Variants in RSPRY1 observed in about 807,000 individuals in gnomAD.
RSPRY1 encodes ring finger and SPRY domain containing 1.
A neutral mutation model predicts 73.1 loss-of-function variants in RSPRY1; 23 were observed. That is an observed-to-expected ratio of 0.31 (90% confidence interval 0.23 to 0.45). The LOEUF (loss-of-function observed/expected upper bound fraction) is 0.45, where lower values mean the gene tolerates loss of function less well. Ranked by LOEUF, RSPRY1 falls within the 20% of genes least tolerant of loss-of-function variation. The pLI, the probability that RSPRY1 is intolerant of heterozygous loss-of-function variation, is 1.00. For missense variants in RSPRY1, 448 were observed against 698.7 expected, an observed-to-expected ratio of 0.64 and a Z score of 4.05; for synonymous variants, 226 against 251.4, an observed-to-expected ratio of 0.90 and a Z score of 0.95.
intron 1 of RSPRY1, among the ~76,000 whole-genome samples, chr16:57,192,708 C>CTT (rs373914013): frequency 0.029 from 3,591 of 123,510 alleles, 210 homozygotes; most frequent in East Asian, 0.21. Flanking sequence ...TCCAGAGACT[C>CTT]TTTTTTTTTT....
At chr16:57,207,978 C>A in intron 2 of RSPRY1, 80 bp from the exon 3 acceptor site, 1 of 858,990 alleles carries the variant, frequency 1.2e-6, no homozygotes, top group South Asian at 1.5e-5. Context: ...TTTTTACCTC[C>A]ACACCTCCAG....
Position 57,216,563 on chromosome 16 carries a change from T to G in RSPRY1, c.770-341T>G, listed in dbSNP as rs547463660. On this transcript the variant is annotated intron_variant, in intron 7 of 14. Coordinates refer to ENST00000394420, the MANE Select transcript of RSPRY1 (RefSeq NM_133368.3). ...CAAGACTCAATCTCTACAAAAAATT[T>G]TAAAAAATCAGCCAGGCATGGTGGC... 6 of 322,186 alleles carry G rather than the reference T, an allele frequency of 1.9e-5. 1 individual carries two copies. The South Asian group carries it at 2.5e-4, about 13-fold the overall frequency. The allele number at this position is 322,186 out of a possible 1,614,324, so 20.0% of individuals were successfully genotyped here.
chr16:57,192,708 C>CTTTTT (rs373914013), intron 1 of RSPRY1, among the ~76,000 whole-genome samples: 3 of 123,596 alleles, frequency 2.4e-5, no homozygotes, highest in Non-Finnish European at 3.5e-5. Context: ...TCCAGAGACT[C>CTTTTT]TTTTTTTTTT....
At chr16:57,222,418 A>G (rs1237570946) in intron 10 of RSPRY1, among the ~76,000 whole-genome samples, 2 of 152,090 alleles carry the variant, frequency 1.3e-5, no homozygotes, top group Non-Finnish European at 2.9e-5. Context: ...TTAAAGGCCT[A>G]TTTCAGCAAG....
chr16:57,199,887 TTTTGTTTG>T, intron 1 of RSPRY1, among the ~76,000 whole-genome samples: 1 of 92,740 alleles, frequency 1.1e-5, no homozygotes, highest in South Asian at 3.6e-4. Flanking sequence ...ATTTTGTTTT[TTTTGTTTG>T]TTTTTTTTTT....
rs1288754604 is a variant in RSPRY1, at chr16:57,191,084, A to G, written c.-156+4633A>G. ...AGGCGTAATTTCATAGGTCCTATGTACCTCAAATAGAAGGTTTGAAATACC... is the reference window on the plus strand; with the variant it reads ...AGGCGTAATTTCATAGGTCCTATGTGCCTCAAATAGAAGGTTTGAAATACC... On this transcript the variant is annotated intron_variant, in intron 1 of 14. Transcript: ENST00000394420. Among the ~76,000 whole-genome samples, 6 of 152,146 alleles carry G rather than the reference A, an allele frequency of 3.9e-5. No homozygotes were observed. The East Asian group carries it at 1.2e-3, about 29-fold the overall frequency.
intron 2 of RSPRY1, among the ~76,000 whole-genome samples, chr16:57,205,924 G>T (rs76203784): frequency 0.036 from 5,504 of 152,182 alleles, 291 homozygotes; most frequent in East Asian, 0.22. Flanking sequence ...TGTTCTTTTT[G>T]CTTCAGGCCC....
intron 13 of RSPRY1, among the ~76,000 whole-genome samples, chr16:57,232,576 G>A (rs2075241057): frequency 1.3e-5 from 2 of 152,100 alleles, no homozygotes; most frequent in Non-Finnish European, 2.9e-5. Context: ...TTCCTTGGAT[G>A]AAGCCCACAA....
chr16:57,235,283 A>G (rs1338629103), intron 14 of RSPRY1, 55 bp downstream of exon 14: 2 of 1,265,610 alleles, frequency 1.6e-6, no homozygotes, highest in Non-Finnish European at 1.2e-6. Flanking sequence ...TGCTAGTTCC[A>G]TGGCTGTTCG....
intron 1 of RSPRY1, among the ~76,000 whole-genome samples, chr16:57,200,007 T>TAAAC (rs1196305712): frequency 6.9e-6 from 1 of 144,364 alleles, no homozygotes; most frequent in East Asian, 2.0e-4. Context: ...GGTCAGCAGA[T>TAAAC]AAGTGAACAA....
At chr16:57,191,674 T>C (rs1455856789) in intron 1 of RSPRY1, among the ~76,000 whole-genome samples, 1 of 152,250 alleles carries the variant, frequency 6.6e-6, no homozygotes, top group Non-Finnish European at 1.5e-5. Flanking sequence ...TTACTTTTCA[T>C]TGTGTGGGCA....
intron 8 of RSPRY1, among the ~76,000 whole-genome samples, chr16:57,217,468 A>C (rs2074959964): frequency 6.6e-6 from 1 of 152,142 alleles, no homozygotes; most frequent in African/African-American, 2.4e-5. Flanking sequence ...TACCTACATC[A>C]TGAGAATTGT....
At chr16:57,226,719 A>G (rs1485797362) in intron 10 of RSPRY1, among the ~76,000 whole-genome samples, 1 of 151,920 alleles carries the variant, frequency 6.6e-6, no homozygotes, top group Non-Finnish European at 1.5e-5. Context: ...TGGCTTCTTT[A>G]TTGCATCCTG....
intron 1 of RSPRY1, among the ~76,000 whole-genome samples, chr16:57,203,805 A>G (rs932972636): frequency 6.6e-6 from 1 of 152,258 alleles, no homozygotes; most frequent in Non-Finnish European, 1.5e-5. Context: ...ACTTTGTAAT[A>G]GACATGTGCA....
chr16:57,204,412 T>A, intron 1 of RSPRY1, 92 bp from the exon 2 acceptor site: 1 of 436,522 alleles, frequency 2.3e-6, no homozygotes, highest in Non-Finnish European at 4.1e-6. Context: ...TTCATTAGAA[T>A]CCTAATATCT....
intron 1 of RSPRY1, 132 bp from the exon 2 acceptor site, chr16:57,204,372 G>T: frequency 6.2e-6 from 2 of 323,414 alleles, no homozygotes; most frequent in South Asian, 5.2e-5. Context: ...CTTTGTATTG[G>T]AAACCTATAA....
Position 57,221,310 on chromosome 16 carries a change from C to T in RSPRY1, c.1056C>T (p.Cys352=), listed in dbSNP as rs1220216008. The T allele has an allele frequency of 2.5e-6, 4 of 1,614,008 alleles. No homozygotes were observed. Among genetic ancestry groups the T allele is most frequent in the Non-Finnish European group, 2.5e-6 (3 of 1,180,002 alleles). The change falls in exon 10 of 15, where the codon TGC becomes TGT. Residue 352 remains cysteine (C), a synonymous_variant. Coordinates refer to ENST00000394420, the MANE Select transcript of RSPRY1 (RefSeq NM_133368.3). ...CCTCCTCTTTTGAAAGTGTGCGTTG[C>T]ACCTTTTGTGTGGATGCCGGGGTAT... ...CDASSFESVR[C]TFCVDAGVWY... is the part of the protein sequence containing the mutation.
At chr16:57,213,831 G>A (rs374269118) in intron 5 of RSPRY1, 57 bp from the exon 6 acceptor site, 1 of 1,218,428 alleles carries the variant, frequency 8.2e-7, no homozygotes, top group Non-Finnish European at 1.2e-6. Context: ...ATTGTTACCA[G>A]TGATTTAAAA....
chr16:57,213,788 A>G, intron 5 of RSPRY1, 100 bp from the exon 6 acceptor site: 2 of 870,398 alleles, frequency 2.3e-6, no homozygotes, highest in South Asian at 1.4e-5. Context: ...TAATAAGATA[A>G]TGTGCATGAA....
Sources: gnomAD v4.1 joint callset for allele counts (sites outside exome capture counted in the v4.1 genomes callset) on GRCh38, gnomAD v4.1.1 for gene constraint, MANE v1.5 for transcripts, NCBI Gene and HGNC (gene_info 2026-07-23, HGNC 2026-07-21) for gene names.